The following DNAL4 variants were observed in gnomAD, a reference collection of about 807,000 sequenced individuals.
DNAL4 encodes dynein axonemal light chain 4, also known as dynein light chain, outer arm 4.
DNAL4 carries 10 observed loss-of-function variants against 12.6 expected under a neutral mutation model. The observed-to-expected ratio is 0.79, with a 90% CI of 0.49 to 1.34. The LOEUF is 1.34. Ranked by LOEUF, DNAL4 falls within the 40% of genes most tolerant of loss-of-function variation. DNAL4 has a pLI of 0.00. For synonymous variants in DNAL4, 46 were observed against 53.1 expected (o/e 0.87, Z 0.58); for missense variants, 128 against 138.1 (o/e 0.93, Z 0.37).
At chr22:38,793,812 G>A (rs2093054580) in intron 1 of DNAL4, among the ~76,000 whole-genome samples, 1 of 152,016 alleles carries the variant, frequency 6.6e-6, no homozygotes, top group African/African-American at 2.4e-5. Context: ...ACGAAGCTGG[G>A]CAGGCCTTGG....
Position 38,781,100 on chromosome 22 carries a change from T to C in DNAL4, c.70-91A>G, listed in dbSNP as rs2093033670. The C allele has an allele frequency of 1.4e-5, 20 of 1,433,344 alleles. No homozygotes were observed. The South Asian group carries it at 2.2e-4, about 16-fold the overall frequency. The allele number at this position is 1,433,344 out of a possible 1,614,324, so 88.8% of individuals were successfully genotyped here. ...GCCTCTCTGTCCCAAGCTTAAGGCA[T>C]GGACAGCAGGTAGCCTCCCTGGCCC... On this transcript the variant is annotated intron_variant, in intron 2 of 3. Transcript: ENST00000216068.
chr22:38,779,906 A>T lies in DNAL4; in HGVS notation c.154-293T>A, dbSNP rs933991490. 2.0e-5 allele frequency among the ~76,000 whole-genome samples: 3 copies of T among 152,166 alleles called. No individual in the cohort carries two copies. The highest frequency in any genetic ancestry group is 7.2e-5 in the African/African-American group (3 of 41,442). On this transcript the variant is annotated intron_variant, in intron 3 of 3. Transcript: ENST00000216068. This position sits in a 1 kb window ranked among gnomAD's most constrained non-coding sequence, Gnocchi z 4.3. ...GCCTGGGGCTGCGTCCTGGCTCTGC[A>T]CTTAGTGCGGGCTTCCTGGGCCAGT... is the stretch of plus-strand genomic sequence containing the variant.
rs2093031770 is a variant in DNAL4 at position 38,779,950 on chromosome 22, A to C, written c.154-337T>G. On this transcript the variant is annotated intron_variant, in intron 3 of 3. Coordinates refer to ENST00000216068, the MANE Select transcript of DNAL4 (RefSeq NM_005740.3). This position sits in a 1 kb window ranked among gnomAD's most constrained non-coding sequence, Gnocchi z 4.3. ...GGCCAGTGCCACCTCCCTCAGATGT[A>C]ACCTGGACAAGCGGGGCACCAGGCA... 6.6e-6 allele frequency among the ~76,000 whole-genome samples: 1 copy of C among 152,134 alleles called. No individual in the cohort carries two copies. The highest frequency in any genetic ancestry group is 2.1e-4 in the South Asian group (1 of 4,818).
At chr22:38,790,082 G>T (rs1389943558) in intron 1 of DNAL4, among the ~76,000 whole-genome samples, 1 of 152,118 alleles carries the variant, frequency 6.6e-6, no homozygotes, top group East Asian at 1.9e-4. Context: ...TGAACTCCTG[G>T]ACTCAAGTGA....
Position 38,779,947 on chromosome 22 carries a change from T to A in DNAL4, c.154-334A>T, listed in dbSNP as rs965610108. 2.0e-5 allele frequency among the ~76,000 whole-genome samples: 3 copies of A among 152,090 alleles called. 1 individual carries two copies. The highest frequency in any genetic ancestry group is 4.4e-5 in the Non-Finnish European group (3 of 67,982). On this transcript the variant is annotated intron_variant, in intron 3 of 3. Coordinates refer to ENST00000216068, the MANE Select transcript of DNAL4 (RefSeq NM_005740.3). This position sits in a 1 kb window ranked among gnomAD's most constrained non-coding sequence, Gnocchi z 4.3. The stretch of plus-strand genomic sequence containing the variant: ...CTGGGCCAGTGCCACCTCCCTCAGA[T>A]GTAACCTGGACAAGCGGGGCACCAG...
rs2093031491 is a variant in DNAL4 at position 38,779,790 on chromosome 22, G to C, written c.154-177C>G. The stretch of plus-strand genomic sequence containing the variant: ...TTCCACGCAGGCCACCTCCTGCCAG[G>C]TCTATTACACAGGCACAGAAAACTA... On this transcript the variant is annotated intron_variant, in intron 3 of 3. Transcript: ENST00000216068. The surrounding 1 kb of genome is among the most constrained non-coding windows in gnomAD (Gnocchi z 4.3). Among the ~76,000 whole-genome samples, 3 of 152,252 alleles carry C rather than the reference G, an allele frequency of 2.0e-5. No individual in the cohort carries two copies. In the South Asian group the frequency reaches 6.2e-4, roughly 32 times the overall value.
chr22:38,786,895 A>G (rs1396132347), intron 1 of DNAL4, among the ~76,000 whole-genome samples: 1 of 152,102 alleles, frequency 6.6e-6, no homozygotes, highest in Non-Finnish European at 1.5e-5. Flanking sequence ...ACCATTCACT[A>G]TTCTGTGTCT....
At chr22:38,791,673 T>C (rs576784023) in intron 1 of DNAL4, among the ~76,000 whole-genome samples, 1 of 151,614 alleles carries the variant, frequency 6.6e-6, no homozygotes, top group East Asian at 1.9e-4. Context: ...ATTACAGGTG[T>C]GAGCCACTGC....
At chr22:38,787,960 A>T (rs1023843424) in intron 1 of DNAL4, among the ~76,000 whole-genome samples, 10 of 152,056 alleles carry the variant, frequency 6.6e-5, no homozygotes, top group Admixed American at 2.6e-4. Flanking sequence ...CATCCTTCTG[A>T]CTCGACCTTC....
chr22:38,780,035 C>T (rs981120984), intron 3 of DNAL4, among the ~76,000 whole-genome samples: 2 of 152,178 alleles, frequency 1.3e-5, no homozygotes, highest in African/African-American at 2.4e-5. Flanking sequence ...GTACCTGATG[C>T]GTTCAGTGGG....
At position 38,782,471 on chromosome 22, in the gene DNAL4, G is replaced by A. The variant is rs1274443029; in HGVS notation, c.69+192C>T. Among the ~76,000 whole-genome samples the A allele has an allele frequency of 6.6e-6, 1 of 152,202 alleles. No individual in the cohort carries two copies. The highest frequency in any genetic ancestry group is 2.4e-5 in the African/African-American group (1 of 41,440). ...AACAGTGCCCGGCATAGAGTAGGTGGCCCAATACTTGGTGAATGAATGAAT... is the reference window on the plus strand; with the variant it reads ...AACAGTGCCCGGCATAGAGTAGGTGACCCAATACTTGGTGAATGAATGAAT... On this transcript the variant is annotated intron_variant, in intron 2 of 3. Transcript: ENST00000216068. The surrounding 1 kb of genome is among the most constrained non-coding windows in gnomAD (Gnocchi z 5.1).
At chr22:38,793,599 A>C (rs1355610402) in intron 1 of DNAL4, among the ~76,000 whole-genome samples, 1 of 152,184 alleles carries the variant, frequency 6.6e-6, no homozygotes, top group African/African-American at 2.4e-5. Flanking sequence ...GAGATCACTC[A>C]ACTCAACTTC....
chr22:38,792,484 T>C (rs1397863375), intron 1 of DNAL4, among the ~76,000 whole-genome samples: 1 of 152,226 alleles, frequency 6.6e-6, no homozygotes, highest in African/African-American at 2.4e-5. Flanking sequence ...GGTTTTACCA[T>C]GTTGGCCAGG....
intron 1 of DNAL4, among the ~76,000 whole-genome samples, chr22:38,784,533 C>T (rs1325272103): frequency 1.4e-5 from 2 of 144,100 alleles, no homozygotes; most frequent in East Asian, 2.0e-4. Context: ...TTTCTTGAGA[C>T]GGAGTCTCAC....
At chr22:38,781,228 A>C (rs1198534799) in intron 2 of DNAL4, among the ~76,000 whole-genome samples, 1 of 152,236 alleles carries the variant, frequency 6.6e-6, no homozygotes, top group East Asian at 1.9e-4. Flanking sequence ...GGCTCTCTGC[A>C]AGGGCACGAA....
chr22:38,779,373 C>A lies in DNAL4; in HGVS notation c.*76G>T. 2 of 1,459,104 alleles carry A rather than the reference C, an allele frequency of 1.4e-6. No individual in the cohort carries two copies. Among genetic ancestry groups the A allele is most frequent in the Non-Finnish European group, 1.8e-6 (2 of 1,100,488 alleles). The allele number at this position is 1,459,104 out of a possible 1,614,324, so 90.4% of individuals were successfully genotyped here. A position where few individuals can be genotyped will look rare whatever the true frequency, so the allele number is the denominator to read the frequency against. On this transcript the variant is annotated 3_prime_UTR_variant, in exon 4 of 4. Transcript: ENST00000216068. This position sits in a 1 kb window ranked among gnomAD's most constrained non-coding sequence, Gnocchi z 4.3. ...CCAACTCTCCTTGGAAAAACCAGGA[C>A]CTGCCTAGGGCTGCTCCCCACCCCA... is the stretch of plus-strand genomic sequence containing the variant.
chr22:38,782,535 A>T lies in DNAL4; in HGVS notation c.69+128T>A. The T allele has an allele frequency of 1.2e-6, 1 of 850,748 alleles. No homozygotes were observed. Among genetic ancestry groups the T allele is most frequent in the Non-Finnish European group, 1.9e-6 (1 of 538,208 alleles). The allele number at this position is 850,748 out of a possible 1,614,324, so 52.7% of individuals were successfully genotyped here. On this transcript the variant is annotated intron_variant, in intron 2 of 3. Coordinates refer to ENST00000216068, the MANE Select transcript of DNAL4 (RefSeq NM_005740.3). The surrounding 1 kb of genome is among the most constrained non-coding windows in gnomAD (Gnocchi z 5.1). ...AATCACTGTCAACTCCAAGATGTCT[A>T]GGTCTGAGCCAGCAGAGCCCTTCTT...
At chr22:38,784,185 G>A (rs755214252) in intron 1 of DNAL4, among the ~76,000 whole-genome samples, 2 of 152,170 alleles carry the variant, frequency 1.3e-5, no homozygotes, top group East Asian at 1.9e-4. Flanking sequence ...GACGGCTGTC[G>A]GTTTCCTGCC....
intron 1 of DNAL4, among the ~76,000 whole-genome samples, chr22:38,784,735 G>A (rs927556399): frequency 1.0e-3 from 155 of 152,148 alleles, no homozygotes; most frequent in Admixed American, 3.9e-3. Context: ...GGATGGTCTC[G>A]ATCTCCTGAC....
Sources: allele counts gnomAD v4.1 joint callset (sites outside exome capture counted in the v4.1 genomes callset), GRCh38; gene constraint gnomAD v4.1.1; non-coding constraint Gnocchi (gnomAD v3.1); transcripts MANE v1.5; gene names NCBI Gene and HGNC (gene_info 2026-07-23, HGNC 2026-07-21).